ITGAL: variants seen among roughly 807,000 people sequenced by gnomAD.
ITGAL encodes integrin alpha-L.
In ITGAL, 68 loss-of-function variants were observed where a neutral mutation model predicts 138.4. The observed-to-expected ratio is 0.49, with a 90% CI of 0.40 to 0.60. The LOEUF is 0.60. ITGAL is among the 20% of genes least tolerant of loss of function. ITGAL has a pLI of 0.00. For missense variants in ITGAL, 1,256 were observed against 1,478.6 expected (o/e 0.85, Z 2.47); for synonymous variants, 561 against 584.3 (o/e 0.96, Z 0.57).
intron 9 of ITGAL, among the ~76,000 whole-genome samples, chr16:30,485,154 T>C (rs1597071846): frequency 7.0e-6 from 1 of 141,966 alleles, no homozygotes; most frequent in African/African-American, 2.6e-5. Flanking sequence ...TCCCTTTCCC[T>C]CTCCTCCCCT....
At chr16:30,473,962 CAG>C (rs1248713383) in intron 1 of ITGAL, 3 of 664,954 alleles carry the variant, frequency 4.5e-6, no homozygotes, top group South Asian at 1.5e-5. Context: ...TCCTTTTTTG[CAG>C]AGAGGCCAAA....
chr16:30,483,165 C>G (rs529978496), intron 7 of ITGAL: 2 of 152,090 alleles, frequency 1.3e-5, no homozygotes, highest in Non-Finnish European at 2.9e-5. Context: ...AGAAAGCCTG[C>G]TAGACAAATT....
intron 24 of ITGAL, among the ~76,000 whole-genome samples, 172 bp downstream of exon 24, chr16:30,511,308 A>G (rs1489389174): frequency 6.6e-6 from 1 of 152,124 alleles, no homozygotes; most frequent in Non-Finnish European, 1.5e-5. Flanking sequence ...AACATTCCAA[A>G]ATGTGAGGGC....
At chr16:30,496,926 G>A (rs1025591269) in intron 15 of ITGAL, among the ~76,000 whole-genome samples, 4 of 151,724 alleles carry the variant, frequency 2.6e-5, no homozygotes, top group Non-Finnish European at 5.9e-5. Flanking sequence ...GTTACAGGCA[G>A]GAGCCACTAT....
At position 30,484,272 on chromosome 16, in the gene ITGAL, C is replaced by G; in HGVS notation, c.1006+9C>G. The stretch of plus-strand genomic sequence containing the variant: ...GATCTATGTCATTGAGGGTGAGTGG[C>G]AGGCCCTGGGAGAGGGCTCGGGAGT... On this transcript the variant is annotated intron_variant, in intron 9 of 30. Transcript: ENST00000356798. 6.2e-7 allele frequency: 1 copy of G among 1,610,702 alleles called. No individual in the cohort carries two copies. The highest frequency in any genetic ancestry group is 8.5e-7 in the Non-Finnish European group (1 of 1,177,578).
intron 15 of ITGAL, 123 bp from the exon 16 acceptor site, chr16:30,498,951 T>C: frequency 1.4e-6 from 1 of 724,912 alleles, no homozygotes; most frequent in South Asian, 1.8e-5. Context: ...GAGGAGACAG[T>C]GACATGTTGA....
rs868736280 is a variant in ITGAL, at chr16:30,475,355, C to T, written c.214C>T (p.Gln72Ter). ...GEGNSTGSLY[Q>*]CQSGTGHCLP... ...GGGGAACAGCACAGGAAGCCTCTAT[C>T]AGTGCCAGTCGGGCACAGGACACTG... is the stretch of plus-strand genomic sequence containing the variant. Residue 72 changes from glutamine (Q) to a stop codon, truncating the protein, a stop_gained, in exon 3 of 31, where the codon CAG becomes TAG. Transcript: ENST00000356798. LOFTEE classifies it high-confidence loss of function. The T allele has an allele frequency of 6.2e-7, 1 of 1,613,988 alleles. No individual in the cohort carries two copies.
chr16:30,511,677 A>T (rs2051093398), intron 24 of ITGAL, among the ~76,000 whole-genome samples: 1 of 152,188 alleles, frequency 6.6e-6, no homozygotes, highest in Non-Finnish European at 1.5e-5. Flanking sequence ...AAGTTATCAC[A>T]ATACCCCTTG....
At chr16:30,514,332 A>G (rs960569615) in intron 25 of ITGAL, among the ~76,000 whole-genome samples, 15 of 150,648 alleles carry the variant, frequency 1.0e-4, no homozygotes, top group African/African-American at 3.7e-4. Flanking sequence ...GCTGGAGTGC[A>G]GTGGCACGGT....
intron 21 of ITGAL, 88 bp from the exon 22 acceptor site, chr16:30,510,272 CT>C: frequency 1.3e-6 from 1 of 767,146 alleles, no homozygotes. Flanking sequence ...GACAGAGCCC[CT>C]GGGGGAGGTA....
chr16:30,496,884 A>G (rs1182527286), intron 15 of ITGAL, among the ~76,000 whole-genome samples: 1 of 150,358 alleles, frequency 6.7e-6, no homozygotes, highest in African/African-American at 2.5e-5. Context: ...GTCTCAAACT[A>G]TGCTTTCTCC....
intron 4 of ITGAL, chr16:30,477,271 G>A (rs2050485362): frequency 6.6e-6 from 1 of 152,218 alleles, no homozygotes; most frequent in African/African-American, 2.4e-5. Context: ...AAGTTGATGA[G>A]GCCGGGCTGG....
intron 11 of ITGAL, among the ~76,000 whole-genome samples, chr16:30,490,572 T>C (rs1179829203): frequency 6.6e-6 from 1 of 152,200 alleles, no homozygotes; most frequent in Non-Finnish European, 1.5e-5. Context: ...TGGCATCCAG[T>C]GCCTACTCCC....
chr16:30,503,461 TAGAG>T, intron 17 of ITGAL, among the ~76,000 whole-genome samples: 1 of 139,934 alleles, frequency 7.1e-6, no homozygotes, highest in Admixed American at 7.6e-5. Context: ...TTTTCTTTTC[TAGAG>T]GGGGACAGAA....
At chr16:30,503,605 AAAG>A (rs929781877) in intron 17 of ITGAL, among the ~76,000 whole-genome samples, 18 of 152,052 alleles carry the variant, frequency 1.2e-4, no homozygotes, top group Admixed American at 3.3e-4. Flanking sequence ...GAAAAAAAGA[AAAG>A]AAAGAAGGAG....
chr16:30,495,056 C>T (rs1299345539), intron 13 of ITGAL, among the ~76,000 whole-genome samples: 1 of 152,170 alleles, frequency 6.6e-6, no homozygotes, highest in Non-Finnish European at 1.5e-5. Flanking sequence ...CAGAGTCTCG[C>T]TCTTATGGCC....
intron 2 of ITGAL, 25 bp downstream of exon 2, chr16:30,474,323 C>T: frequency 6.6e-7 from 1 of 1,516,936 alleles, no homozygotes; most frequent in Non-Finnish European, 9.0e-7. Flanking sequence ...ACAAGTCCTC[C>T]TCCTGATGCC....
intron 6 of ITGAL, among the ~76,000 whole-genome samples, chr16:30,479,997 C>A (rs1176487644): frequency 1.3e-5 from 2 of 151,558 alleles, no homozygotes; most frequent in African/African-American, 4.9e-5. Flanking sequence ...AGGCTGGAAT[C>A]ATGGTGGCAC....
chr16:30,514,429 A>T (rs1023519641), intron 25 of ITGAL, among the ~76,000 whole-genome samples: 3 of 152,104 alleles, frequency 2.0e-5, no homozygotes, highest in African/African-American at 7.2e-5. Flanking sequence ...GGCATGTGCC[A>T]CCATGCCCGG....
Sources: gnomAD v4.1 joint callset for allele counts (sites outside exome capture counted in the v4.1 genomes callset) on GRCh38, gnomAD v4.1.1 for gene constraint, MANE v1.5 for transcripts, NCBI Gene and HGNC (gene_info 2026-07-23, HGNC 2026-07-21) for gene names.